Variants in NAV3 observed in about 807,000 individuals in gnomAD.
The protein encoded by NAV3 is pore membrane and/or filament interacting like protein 1.
NAV3 carries 87 observed loss-of-function variants against 244.7 expected under a neutral mutation model. The observed-to-expected ratio is 0.36, with a 90% CI of 0.30 to 0.42. NAV3 has a LOEUF of 0.42. Among genes scored for constraint, NAV3 ranks in the 20% least tolerant of loss-of-function variants. NAV3 has a pLI of 1.00. For synonymous variants in NAV3, 1,126 were observed against 1,042.2 expected (o/e 1.08, Z -1.55); for missense variants, 2,663 against 2,893.3 (o/e 0.92, Z 1.83).
At chr12:77,655,300 G>A (rs1293304055) in intron 2 of NAV3, among the ~76,000 whole-genome samples, 9 of 152,302 alleles carry the variant, frequency 5.9e-5, no homozygotes, top group East Asian at 1.9e-4. Flanking sequence ...CGAGAACTAC[G>A]TGAAGAATGC....
At chr12:77,956,767 A>C (rs925740387) in intron 3 of NAV3, among the ~76,000 whole-genome samples, 6 of 148,360 alleles carry the variant, frequency 4.0e-5, no homozygotes, top group African/African-American at 1.5e-4. Context: ...TTTGAGACAG[A>C]GTCTCACTCT....
At chr12:78,060,420 T>G (rs556914669) in intron 12 of NAV3, among the ~76,000 whole-genome samples, 1 of 151,974 alleles carries the variant, frequency 6.6e-6, no homozygotes, top group African/African-American at 2.4e-5. Flanking sequence ...CCTGTCTGTA[T>G]CCTACTCTCC....
At chr12:77,573,808 A>G (rs1002248723) in intron 2 of NAV3, among the ~76,000 whole-genome samples, 3 of 152,182 alleles carry the variant, frequency 2.0e-5, no homozygotes, top group Non-Finnish European at 4.4e-5. Flanking sequence ...TGCTTTTATG[A>G]CAAAAAAGAT....
chr12:78,205,423 T>G (rs561234017), intron 39 of NAV3, among the ~76,000 whole-genome samples: 16 of 152,096 alleles, frequency 1.1e-4, no homozygotes, highest in African/African-American at 3.9e-4. Context: ...TAAATATAAT[T>G]TTCTATATTA....
chr12:77,675,641 C>T (rs1475462945), intron 2 of NAV3, among the ~76,000 whole-genome samples: 1 of 152,122 alleles, frequency 6.6e-6, no homozygotes, highest in Admixed American at 6.5e-5. Context: ...AACATTTAGG[C>T]AATCCTCTTA....
chr12:77,675,380 C>CT (rs1408760709), intron 2 of NAV3, among the ~76,000 whole-genome samples: 1 of 152,164 alleles, frequency 6.6e-6, no homozygotes, highest in African/African-American at 2.4e-5. Context: ...GCTGAAGCTG[C>CT]TATTCAAAGG....
At chr12:77,922,921 T>C (rs1376290760) in intron 1 of NAV3, among the ~76,000 whole-genome samples, 2 of 152,128 alleles carry the variant, frequency 1.3e-5, no homozygotes, top group African/African-American at 2.4e-5. Context: ...TAAATACTAT[T>C]ACACCCTGAA....
chr12:78,153,395 C>T (rs1270050852), intron 22 of NAV3, among the ~76,000 whole-genome samples: 1 of 152,004 alleles, frequency 6.6e-6, no homozygotes, highest in Non-Finnish European at 1.5e-5. Flanking sequence ...CTAGCATGTC[C>T]TTAGAAAGGA....
intron 2 of NAV3, among the ~76,000 whole-genome samples, chr12:77,670,780 G>T (rs1765948399): frequency 6.6e-6 from 1 of 151,942 alleles, no homozygotes; most frequent in Non-Finnish European, 1.5e-5. Context: ...CATAGAAGGG[G>T]CAAACCTTAG....
chr12:78,153,249 G>A (rs1054690568), intron 22 of NAV3, among the ~76,000 whole-genome samples: 5 of 151,962 alleles, frequency 3.3e-5, no homozygotes, highest in African/African-American at 1.2e-4. Flanking sequence ...AGAGTCTCTA[G>A]TTAGCTCACC....
chr12:77,704,835 C>T (rs1250649127), intron 2 of NAV3, among the ~76,000 whole-genome samples: 2 of 152,108 alleles, frequency 1.3e-5, no homozygotes, highest in African/African-American at 4.8e-5. Context: ...CTGTCTTGTC[C>T]AATTACTTCA....
intron 1 of NAV3, among the ~76,000 whole-genome samples, chr12:77,906,229 C>A (rs1047328349): frequency 6.6e-6 from 1 of 152,028 alleles, no homozygotes; most frequent in Non-Finnish European, 1.5e-5. Flanking sequence ...CACAGACAGA[C>A]AGACACACAT....
At chr12:77,703,119 A>G (rs908594207) in intron 2 of NAV3, among the ~76,000 whole-genome samples, 4 of 152,060 alleles carry the variant, frequency 2.6e-5, no homozygotes, top group African/African-American at 9.7e-5. Flanking sequence ...GTCCTGCTCC[A>G]CCACAACAAT....
At chr12:78,206,853 A>ATTT (rs1491200996) in intron 39 of NAV3, among the ~76,000 whole-genome samples, 2 of 60,474 alleles carry the variant, frequency 3.3e-5, no homozygotes, top group Admixed American at 2.6e-4. Flanking sequence ...TTTCTTTCTT[A>ATTT]CTTTTTTTTT....
rs1360361577 is a variant in NAV3, at chr12:78,128,947, A to G, written c.4441+81A>G. 6 of 1,328,848 alleles carry G rather than the reference A, an allele frequency of 4.5e-6. No homozygotes were observed. In the Admixed American group the frequency reaches 1.3e-4, roughly 28 times the overall value. The allele number at this position is 1,328,848 out of a possible 1,614,324, so 82.3% of individuals were successfully genotyped here. On this transcript the variant is annotated intron_variant, in intron 18 of 39. Coordinates refer to ENST00000397909, the MANE Select transcript of NAV3 (RefSeq NM_001024383.2). Reference sequence around the variant, plus strand: ...AGAAACCCTGGAATCTCTCCATAACACAACACGTTTTCATTTAAAGGGAGG... The same window carrying G: ...AGAAACCCTGGAATCTCTCCATAACGCAACACGTTTTCATTTAAAGGGAGG...
At chr12:77,951,421 C>T (rs934072020) in intron 3 of NAV3, among the ~76,000 whole-genome samples, 3 of 152,110 alleles carry the variant, frequency 2.0e-5, no homozygotes, top group Non-Finnish European at 4.4e-5. Flanking sequence ...CAGGAAACAG[C>T]AGTGCTGGAG....
At chr12:77,879,517 A>C (rs897261908) in intron 1 of NAV3, among the ~76,000 whole-genome samples, 2 of 151,938 alleles carry the variant, frequency 1.3e-5, no homozygotes, top group Admixed American at 6.6e-5. Flanking sequence ...TCTACTAAAA[A>C]TATAAAAATT....
chr12:78,145,839 A>G (rs1383656864), intron 20 of NAV3, among the ~76,000 whole-genome samples: 2 of 152,180 alleles, frequency 1.3e-5, no homozygotes, highest in Non-Finnish European at 2.9e-5. Flanking sequence ...GAAGTAAATA[A>G]TGTTAATTAT....
intron 14 of NAV3, 111 bp downstream of exon 14, chr12:78,118,408 T>G (rs773831313): frequency 1.2e-4 from 169 of 1,369,738 alleles, no homozygotes; most frequent in Non-Finnish European, 1.6e-4. Context: ...TTCTTATCCA[T>G]ATTAAACATG....
Sources: allele counts gnomAD v4.1 joint callset (sites outside exome capture counted in the v4.1 genomes callset), GRCh38; gene constraint gnomAD v4.1.1; transcripts MANE v1.5; gene names NCBI Gene and HGNC (gene_info 2026-07-23, HGNC 2026-07-21).